The following FOLR1 variants were observed in gnomAD, a reference collection of about 807,000 sequenced individuals.
The protein encoded by FOLR1 is KB cells FBP.
In FOLR1, 11 loss-of-function variants were observed where a neutral mutation model predicts 22.8. The observed-to-expected ratio is 0.48, with a 90% CI of 0.30 to 0.80. FOLR1 has a LOEUF of 0.80. FOLR1 is among the 30% of genes least tolerant of loss of function. The pLI, the probability that FOLR1 is intolerant of heterozygous loss-of-function variation, is 0.06. For synonymous variants in FOLR1, 108 were observed against 116.5 expected (o/e 0.93, Z 0.47); for missense variants, 273 against 320.3 (o/e 0.85, Z 1.13).
Position 72,195,414 on chromosome 11 carries a change from C to G in FOLR1, c.312C>G (p.Thr104=), listed in dbSNP as rs749885216. The G allele has an allele frequency of 6.2e-7, 1 of 1,614,230 alleles. No homozygotes were observed. The change falls in exon 2 of 4, where the codon ACC becomes ACG. Residue 104 remains threonine (T), a synonymous_variant. Transcript: ENST00000393676. ...PACKRHFIQD[T]CLYECSPNLG... is the part of the protein sequence containing the mutation. ...GCAAACGGCATTTCATCCAGGACAC[C>G]TGCCTCTACGAGTGCTCCCCCAACT...
chr11:72,195,920 G>A lies in FOLR1; in HGVS notation c.517G>A (p.Ala173Thr). The A allele has an allele frequency of 6.2e-7, 1 of 1,614,224 alleles. No individual in the cohort carries two copies. ...TSGFNKCAVG[A>T]ACQPFHFYFP... ...AGGGTTTAACAAGTGCGCAGTGGGA[G>A]CTGCCTGCCAACCTTTCCATTTCTA... Residue 173 changes from alanine (A) to threonine (T), a missense_variant, in exon 4 of 4, where the codon GCT (alanine) becomes ACT (threonine). Physicochemically the swap from Ala to Thr is moderately conservative, Grantham distance 58 (BLOSUM62 0). Coordinates refer to ENST00000393676, the MANE Select transcript of FOLR1 (RefSeq NM_016729.3).
intron 1 of FOLR1, among the ~76,000 whole-genome samples, 188 bp from the exon 2 acceptor site, chr11:72,195,083 C>T (rs995048777): frequency 1.3e-5 from 2 of 152,200 alleles, no homozygotes; most frequent in East Asian, 1.9e-4. Flanking sequence ...AGCAGGAGCT[C>T]CCTTTTGGGC....
chr11:72,189,791 C>G (rs1349828760), upstream of FOLR1: 1 of 152,500 alleles, frequency 6.6e-6, no homozygotes, highest in Non-Finnish European at 1.5e-5. Context: ...CCTTCAGAGG[C>G]CACACACCCT....
chr11:72,195,797 T>A, intron 3 of FOLR1, 50 bp downstream of exon 3: 1 of 1,614,056 alleles, frequency 6.2e-7, no homozygotes, highest in South Asian at 1.1e-5. Flanking sequence ...TGGAGGTGTG[T>A]GGGTGTGGAA....
chr11:72,196,305 G>T (rs190467709), downstream of FOLR1: 77 of 928,562 alleles, frequency 8.3e-5, 1 homozygote, highest in African/African-American at 1.2e-3. Context: ...CCGCACATGT[G>T]TCTTGAGAAT....
chr11:72,195,396 G>A lies in FOLR1; in HGVS notation c.294G>A (p.Arg98=). ...GAGAGATGGCACCTGCCTGCAAACG[G>A]CATTTCATCCAGGACACCTGCCTCT... The part of the protein sequence containing the change: ...HCGEMAPACK[R]HFIQDTCLYE... Residue 98 remains arginine (R), a synonymous_variant, in exon 2 of 4, where the codon CGG becomes CGA. Coordinates refer to ENST00000393676, the MANE Select transcript of FOLR1 (RefSeq NM_016729.3). 6.2e-7 allele frequency: 1 copy of A among 1,614,194 alleles called. No individual in the cohort carries two copies. The highest frequency in any genetic ancestry group is 2.2e-5 in the East Asian group (1 of 44,888).
chr11:72,196,109 G>C lies in FOLR1; in HGVS notation c.706G>C (p.Ala236Pro). The C allele has an allele frequency of 6.2e-7, 1 of 1,614,220 alleles. No homozygotes were observed. The highest frequency in any genetic ancestry group is 1.7e-5 in the Admixed American group (1 of 60,024). The change falls in exon 4 of 4, where the codon GCT (alanine) becomes CCT (proline). Residue 236 changes from alanine to proline, a missense_variant. Physicochemically the swap from Ala to Pro is conservative, Grantham distance 27 (BLOSUM62 -1). Coordinates refer to ENST00000393676, the MANE Select transcript of FOLR1 (RefSeq NM_016729.3). Reference sequence around the variant, plus strand: ...GTTCTATGCTGCAGCCATGAGTGGGGCTGGGCCCTGGGCAGCCTGGCCTTT... The same window carrying C: ...GTTCTATGCTGCAGCCATGAGTGGGCCTGGGCCCTGGGCAGCCTGGCCTTT... ...ARFYAAAMSG[A>P]GPWAAWPFLL... is the part of the protein sequence containing the mutation.
chr11:72,190,754 G>GA (rs1207825273), upstream of FOLR1: 3 of 152,360 alleles, frequency 2.0e-5, no homozygotes, highest in African/African-American at 7.2e-5. Context: ...AATGGATTGT[G>GA]GAGCAGGAAA....
chr11:72,191,417 C>A (rs963067617), upstream of FOLR1, among the ~76,000 whole-genome samples: 2 of 151,448 alleles, frequency 1.3e-5, no homozygotes, highest in Non-Finnish European at 2.9e-5. Context: ...GGCTAGAGTG[C>A]AATGGCACAA....
chr11:72,194,294 T>C (rs776530103), intron 1 of FOLR1, among the ~76,000 whole-genome samples: 5 of 152,244 alleles, frequency 3.3e-5, no homozygotes, highest in Non-Finnish European at 7.3e-5. Flanking sequence ...TGTTTTTTTG[T>C]ATCACAAATT....
chr11:72,191,974 A>C, upstream of FOLR1: 1 of 597,114 alleles, frequency 1.7e-6, no homozygotes, highest in Non-Finnish European at 3.0e-6. Context: ...GGAGAAGGCA[A>C]TGAGGCTCAA....
upstream of FOLR1, chr11:72,192,121 C>A (rs989287092): frequency 1.1e-5 from 17 of 1,608,956 alleles, no homozygotes; most frequent in South Asian, 1.1e-4. Context: ...CTTAAGGCCC[C>A]ACCTCCGCAT....
chr11:72,195,454 C>A lies in FOLR1; in HGVS notation c.352C>A (p.Gln118Lys), dbSNP rs121918405. Residue 118 changes from glutamine (Q) to lysine (K), a missense_variant, in exon 2 of 4, where the codon CAG (glutamine) becomes AAG (lysine). Physicochemically the swap from Gln to Lys is moderately conservative, Grantham distance 53. Transcript: ENST00000393676. Reference sequence around the variant, plus strand: ...CTCCCCCAACTTGGGGCCCTGGATCCAGCAGGTATGCATGGCTTCCTGCAG... The same window carrying A: ...CTCCCCCAACTTGGGGCCCTGGATCAAGCAGGTATGCATGGCTTCCTGCAG... The part of the protein sequence containing the change: ...ECSPNLGPWI[Q>K]QVDQSWRKER... 6.2e-7 allele frequency: 1 copy of A among 1,614,220 alleles called. No individual in the cohort carries two copies. Among genetic ancestry groups the A allele is most frequent in the East Asian group, 2.2e-5 (1 of 44,888 alleles).
Position 72,192,182 on chromosome 11 carries a change from G to A in FOLR1, c.9G>A (p.Gln3=), listed in dbSNP as rs1555068614. The A allele has an allele frequency of 1.2e-6, 2 of 1,614,078 alleles. No individual in the cohort carries two copies. Among genetic ancestry groups the A allele is most frequent in the Non-Finnish European group, 1.7e-6 (2 of 1,180,036 alleles). ...TTTCTTCAGGGACAGACATGGCTCA[G>A]CGGATGACAACACAGCTGCTGCTCC... MA[Q]RMTTQLLLLL... is the part of the protein sequence containing the mutation. Residue 3 remains glutamine, a synonymous_variant, in exon 1 of 4, where the codon CAG becomes CAA. Coordinates refer to ENST00000393676, the MANE Select transcript of FOLR1 (RefSeq NM_016729.3).
upstream of FOLR1, among the ~76,000 whole-genome samples, chr11:72,191,778 T>A (rs189312523): frequency 6.6e-6 from 1 of 152,358 alleles, no homozygotes; most frequent in African/African-American, 2.4e-5. Flanking sequence ...CACCCCAGAA[T>A]ATACACTTGA....
chr11:72,192,379 C>T, intron 1 of FOLR1, 38 bp downstream of exon 1: 6 of 1,610,350 alleles, frequency 3.7e-6, no homozygotes, highest in Non-Finnish European at 5.1e-6. Context: ...GAGGGACTGG[C>T]TCAGGAAGAG....
intron 1 of FOLR1, 109 bp downstream of exon 1, chr11:72,192,450 T>A: frequency 8.7e-7 from 1 of 1,154,270 alleles, no homozygotes; most frequent in Non-Finnish European, 1.3e-6. Flanking sequence ...GAGGAGCCCT[T>A]CAGTTTGCAT....
At chr11:72,190,024 G>C (rs559745470), upstream of FOLR1, among the ~76,000 whole-genome samples, 8 of 152,320 alleles carry the variant, frequency 5.3e-5, no homozygotes, top group African/African-American at 1.9e-4. Flanking sequence ...CCCCAAGGTT[G>C]GGTGTGGGGG....
rs1948220126 is a variant in FOLR1 at position 72,195,651 on chromosome 11, C to A, written c.397C>A (p.Pro133Thr). Residue 133 changes from proline (P) to threonine (T), a missense_variant, in exon 3 of 4, where the codon CCC (proline) becomes ACC (threonine). Coordinates refer to ENST00000393676, the MANE Select transcript of FOLR1 (RefSeq NM_016729.3). ...SWRKERVLNV[P>T]LCKEDCEQWW... Reference sequence around the variant, plus strand: ...GCGCAAAGAGCGGGTACTGAACGTGCCCCTGTGCAAAGAGGACTGTGAGCA... The same window carrying A: ...GCGCAAAGAGCGGGTACTGAACGTGACCCTGTGCAAAGAGGACTGTGAGCA... The A allele has an allele frequency of 6.2e-7, 1 of 1,614,100 alleles. No homozygotes were observed. Among genetic ancestry groups the A allele is most frequent in the Non-Finnish European group, 8.5e-7 (1 of 1,180,056 alleles).
Sources: gnomAD v4.1 joint callset for allele counts (sites outside exome capture counted in the v4.1 genomes callset) on GRCh38, gnomAD v4.1.1 for gene constraint, MANE v1.5 for transcripts, NCBI Gene and HGNC (gene_info 2026-07-23, HGNC 2026-07-21) for gene names.